LIAS: variants seen among roughly 807,000 people sequenced by gnomAD.
LIAS encodes lipoyl synthase, mitochondrial.
In LIAS, 36 loss-of-function variants were observed where a neutral mutation model predicts 49.4. The observed-to-expected ratio is 0.73, with a 90% confidence interval of 0.56 to 0.96. The LOEUF is 0.96. Among genes scored for constraint, LIAS ranks in the 40% least tolerant of loss-of-function variants. The probability of loss-of-function intolerance (pLI) is 0.00; values close to 1 mark genes in which losing one functional copy is unlikely to be tolerated. For synonymous variants in LIAS, 145 were observed against 155.8 expected (o/e 0.93, Z 0.52); for missense variants, 399 against 456.3 (o/e 0.87, Z 1.14).
rs1424759183 is a variant in LIAS, at chr4:39,459,182, G to T, written c.45+20G>T. On this transcript the variant is annotated intron_variant, in intron 1 of 10. Transcript: ENST00000640888. ...CCCCGGGTGAGCGGCGGGGCGAACG[G>T]GTTTGGGCGTGGGGTGGGGGGATCC... 4 of 1,609,772 alleles carry T rather than the reference G, an allele frequency of 2.5e-6. No homozygotes were observed. The highest frequency in any genetic ancestry group is 3.4e-6 in the Non-Finnish European group (4 of 1,179,246).
intron 7 of LIAS, chr4:39,468,932 C>T (rs756889221): frequency 2.0e-5 from 3 of 149,228 alleles, no homozygotes; most frequent in Non-Finnish European, 4.4e-5. Context: ...AAAAAGTAGA[C>T]ACTATGCTTT....
At chr4:39,459,191 G>T (rs577041802) in intron 1 of LIAS, 29 bp downstream of exon 1, 6 of 1,605,020 alleles carry the variant, frequency 3.7e-6, no homozygotes, top group Middle Eastern at 3.3e-4. Context: ...GGGTTTGGGC[G>T]TGGGGTGGGG....
rs2109887707 is a variant in LIAS, at chr4:39,473,029, A to G, written c.955-71A>G. ...ACGCAGTGAAGAGCATTCTGCATAC[A>G]TAGGTATAGACTTTCTGCAGAATCA... On this transcript the variant is annotated intron_variant, in intron 9 of 10. Transcript: ENST00000640888. 5 of 884,378 alleles carry G rather than the reference A, an allele frequency of 5.7e-6. No homozygotes were observed. The South Asian group carries it at 7.3e-5, about 13-fold the overall frequency. 54.8% of individuals were successfully genotyped at this position (884,378 alleles called of 1,614,324 possible). A position where few individuals can be genotyped will look rare whatever the true frequency, so the allele number is the denominator to read the frequency against.
In LIAS at chr4:39,459,494, C is replaced by G. The variant is rs113350257; in HGVS notation, c.45+332C>G. Among the ~76,000 whole-genome samples, 753 of 152,304 alleles carry G rather than the reference C, an allele frequency of 4.9e-3. 2 individuals are homozygous for G. Among genetic ancestry groups the G allele is most frequent in the African/African-American group, 0.017 (709 of 41,552 alleles). ...GACTCTTACTGTGTGTGAGACACCA[C>G]TCTAGCCGCAGAGAACACAAACCTG... On this transcript the variant is annotated intron_variant, in intron 1 of 10. Coordinates refer to ENST00000640888, the MANE Select transcript of LIAS (RefSeq NM_006859.4).
In LIAS at chr4:39,465,359, T is replaced by C; in HGVS notation, c.608+17T>C. 1.2e-6 allele frequency: 2 copies of C among 1,601,938 alleles called. No homozygotes were observed. The highest frequency in any genetic ancestry group is 1.3e-5 in the African/African-American group (1 of 74,362). Reference sequence around the variant, plus strand: ...AAAGGAAAGGTACTTATTTTTGCATTTGTGTAATTTAAGGACCTTTTTGGA... The same window carrying C: ...AAAGGAAAGGTACTTATTTTTGCATCTGTGTAATTTAAGGACCTTTTTGGA... On this transcript the variant is annotated intron_variant, in intron 6 of 10. Transcript: ENST00000640888.
chr4:39,459,318 C>T (rs753048191), intron 1 of LIAS, 156 bp downstream of exon 1: 76 of 650,538 alleles, frequency 1.2e-4, no homozygotes, highest in Non-Finnish European at 1.8e-4. Context: ...ATGTAATTAT[C>T]CCGCCAGCCC....
In LIAS at chr4:39,459,080, T is replaced by A; in HGVS notation, c.-38T>A. The A allele has an allele frequency of 6.2e-7, 1 of 1,612,974 alleles. No homozygotes were observed. Among genetic ancestry groups the A allele is most frequent in the African/African-American group, 1.3e-5 (1 of 75,034 alleles). The stretch of plus-strand genomic sequence containing the variant: ...CCTGTCCTTTCCCGGGAGTTAGCGA[T>A]CCCTCAACCCCTGCACTGCGCTAGT... On this transcript the variant is annotated 5_prime_UTR_variant, in exon 1 of 11. Transcript: ENST00000640888.
At chr4:39,476,465 G>A (rs1745195614) in intron 10 of LIAS, 1 of 152,372 alleles carries the variant, frequency 6.6e-6, no homozygotes, top group Admixed American at 6.5e-5. Flanking sequence ...GAGTCATGCT[G>A]TAAGAGCAAT....
At chr4:39,472,562 A>G (rs1443899695) in intron 9 of LIAS, among the ~76,000 whole-genome samples, 2 of 152,222 alleles carry the variant, frequency 1.3e-5, no homozygotes, top group South Asian at 2.1e-4. Flanking sequence ...ACTCATTTAC[A>G]CTTGGTTATT....
chr4:39,460,084 G>C (rs1744384986), intron 1 of LIAS, among the ~76,000 whole-genome samples: 1 of 152,220 alleles, frequency 6.6e-6, no homozygotes, highest in South Asian at 2.1e-4. Flanking sequence ...GAGATTTATT[G>C]CACACTTCAC....
At chr4:39,472,193 T>C (rs887153388) in intron 9 of LIAS, among the ~76,000 whole-genome samples, 1 of 151,482 alleles carries the variant, frequency 6.6e-6, no homozygotes, top group African/African-American at 2.4e-5. Flanking sequence ...AGAGAAAAAA[T>C]TTTTTGAAGA....
chr4:39,472,001 T>G (rs956898589), intron 9 of LIAS, among the ~76,000 whole-genome samples: 11 of 151,960 alleles, frequency 7.2e-5, no homozygotes, highest in Non-Finnish European at 1.5e-4. Context: ...ACATAACTAC[T>G]AATAGCCTTC....
chr4:39,474,714 G>T (rs1480333531), intron 10 of LIAS, among the ~76,000 whole-genome samples: 1 of 151,718 alleles, frequency 6.6e-6, no homozygotes, highest in Non-Finnish European at 1.5e-5. Flanking sequence ...TCCTGCCTCA[G>T]CCTCCTGAGT....
Position 39,467,523 on chromosome 4 carries a change from CA to C in LIAS, c.619del (p.Ile207SerfsTer17). On this transcript the variant is annotated frameshift_variant, in exon 7 of 11. Transcript: ENST00000640888. LOFTEE classifies it high-confidence loss of function. Reference protein sequence around the residue: ...KTVSYLKERNPKILVECLTPD... With the variant: ...KTVSYLKERNXKILVECLTPD... ...ATTCTCTCTTTTCCCCTTAGGAATC[CA>C]AAAATCCTTGTGGAGTGTCTTACTC... 1.3e-6 allele frequency: 2 copies of C among 1,587,722 alleles called. No individual in the cohort carries two copies. Among genetic ancestry groups the C allele is most frequent in the Non-Finnish European group, 1.7e-6 (2 of 1,168,896 alleles).
In LIAS at chr4:39,465,097, G is replaced by A. The variant is rs1341034981; in HGVS notation, c.445G>A (p.Ala149Thr). Residue 149 changes from alanine to threonine, a missense_variant, in exon 5 of 11, where the codon GCA becomes ACA. Coordinates refer to ENST00000640888, the MANE Select transcript of LIAS (RefSeq NM_006859.4). ...RGCRFCSVKT[A>T]RNPPPLDASE... is the part of the protein sequence containing the mutation. ...TTGCAGATTTTGTTCTGTTAAGACT[G>A]CAAGAAATCCTCCTCCACTGGATGC... 1.2e-6 allele frequency: 2 copies of A among 1,614,186 alleles called. No homozygotes were observed. Among genetic ancestry groups the A allele is most frequent in the East Asian group, 2.2e-5 (1 of 44,880 alleles).
chr4:39,459,863 G>A (rs1744362840), intron 1 of LIAS, among the ~76,000 whole-genome samples: 1 of 152,116 alleles, frequency 6.6e-6, no homozygotes, highest in Non-Finnish European at 1.5e-5. Flanking sequence ...GCCAGGCTGA[G>A]GCAGGAGAAT....
rs983509990 is a variant in LIAS, at chr4:39,474,152, A to G, written c.1066+941A>G. ...GTGGCGGGCACCTGCAGTCCCAGCT[A>G]CTCGGGAGGCTGAGGCAGCAGAATG... On this transcript the variant is annotated intron_variant, in intron 10 of 10. Transcript: ENST00000640888. Among the ~76,000 whole-genome samples, 16 of 151,098 alleles carry G rather than the reference A, an allele frequency of 1.1e-4. No homozygotes were observed. The South Asian group carries it at 1.7e-3, about 16-fold the overall frequency.
At position 39,477,193 on chromosome 4, in the gene LIAS, C is replaced by A; in HGVS notation, c.*78C>A. ...TAATAACAGAGGTGGTGCCAGAATG[C>A]CTGGACTGCAGTGGATGTGCCCCAC... On this transcript the variant is annotated 3_prime_UTR_variant, in exon 11 of 11. Transcript: ENST00000640888. The A allele has an allele frequency of 9.0e-7, 1 of 1,114,876 alleles. No individual in the cohort carries two copies. The highest frequency in any genetic ancestry group is 1.6e-5 in the African/African-American group (1 of 63,060). The allele number at this position is 1,114,876 out of a possible 1,614,324, so 69.1% of individuals were successfully genotyped here. A position where few individuals can be genotyped will look rare whatever the true frequency, so the allele number is the denominator to read the frequency against.
chr4:39,469,892 T>G (rs577249886), intron 7 of LIAS, 127 bp from the exon 8 acceptor site: 11 of 782,974 alleles, frequency 1.4e-5, no homozygotes, highest in Non-Finnish European at 2.1e-5. Context: ...GCATAAATGC[T>G]ACCTTTGAAC....
Sources: allele counts gnomAD v4.1 joint callset (sites outside exome capture counted in the v4.1 genomes callset), GRCh38; gene constraint gnomAD v4.1.1; transcripts MANE v1.5; gene names NCBI Gene and HGNC (gene_info 2026-07-23, HGNC 2026-07-21).